The following ASPH variants were observed in gnomAD, a reference collection of about 807,000 sequenced individuals.
ASPH encodes the protein aspartyl/asparaginyl beta-hydroxylase.
In ASPH, 100 loss-of-function variants were observed where a neutral mutation model predicts 118.4. The observed-to-expected ratio is 0.84, with a 90% CI of 0.72 to 1.00. ASPH has a LOEUF of 1.00. ASPH is among the 50% of genes least tolerant of loss of function. The probability of loss-of-function intolerance (pLI) is 0.00; values close to 1 mark genes in which losing one functional copy is unlikely to be tolerated. For missense variants in ASPH, 920 were observed against 919.5 expected, an observed-to-expected ratio of 1.00 and a Z score of -0.01; for synonymous variants, 315 against 325.6, an observed-to-expected ratio of 0.97 and a Z score of 0.35.
chr8:61,714,568 G>T lies in ASPH; in HGVS notation c.-197C>A. On this transcript the variant is annotated 5_prime_UTR_variant, in exon 1 of 25. Transcript: ENST00000379454. The stretch of plus-strand genomic sequence containing the variant: ...CCCGCCTGCCGGCTGCGCGCGCCCG[G>T]CCTCGCGTGTACGAACCTGTGACTC... The T allele has an allele frequency of 8.5e-6, 7 of 819,922 alleles. No individual in the cohort carries two copies. Among genetic ancestry groups the T allele is most frequent in the Non-Finnish European group, 1.2e-5 (7 of 601,716 alleles). 50.8% of individuals were successfully genotyped at this position (819,922 alleles called of 1,614,324 possible).
In ASPH at chr8:61,684,125, G is replaced by C; in HGVS notation, c.167C>G (p.Thr56Arg). The change falls in exon 2 of 25, where the codon ACG becomes AGG. Residue 56 changes from threonine (T) to arginine (R), a missense_variant. By Grantham distance (71) the Thr-to-Arg change is moderately conservative. Transcript: ENST00000379454. Reference protein sequence around the residue: ...KGGLSGTSFFTWFMVIALLGV... With the variant: ...KGGLSGTSFFRWFMVIALLGV... Reference sequence around the variant, plus strand: ...CAGCAATGCAATCACCATAAACCACGTGAAGAATGAAGTTCCTGAGAGTCC... The same window carrying C: ...CAGCAATGCAATCACCATAAACCACCTGAAGAATGAAGTTCCTGAGAGTCC... 1 of 1,613,628 alleles carries C rather than the reference G, an allele frequency of 6.2e-7. No individual in the cohort carries two copies. The highest frequency in any genetic ancestry group is 8.5e-7 in the Non-Finnish European group (1 of 1,179,708).
chr8:61,697,997 C>T (rs1413078279), intron 1 of ASPH, among the ~76,000 whole-genome samples: 1 of 152,118 alleles, frequency 6.6e-6, no homozygotes, highest in Non-Finnish European at 1.5e-5. Context: ...CAGAGTCTTG[C>T]TTTGTTGCCC....
At chr8:61,565,621 A>T (rs1831417578) in intron 17 of ASPH, among the ~76,000 whole-genome samples, 1 of 103,234 alleles carries the variant, frequency 9.7e-6, no homozygotes, top group African/African-American at 3.6e-5. Flanking sequence ...TCTAGCTAAG[A>T]TCATTGATGA....
At position 61,634,730 on chromosome 8, in the gene ASPH, T is replaced by A. The variant is rs1857013362; in HGVS notation, c.890-1003A>T. Among the ~76,000 whole-genome samples, 3 of 152,210 alleles carry A rather than the reference T, an allele frequency of 2.0e-5. No individual in the cohort carries two copies. The South Asian group carries it at 6.2e-4, about 32-fold the overall frequency. Reference sequence around the variant, plus strand: ...TGTTCTTAATTATTTGGAGACATATTAACACTTTATCAACTTTGCCAATAT... The same window carrying A: ...TGTTCTTAATTATTTGGAGACATATAAACACTTTATCAACTTTGCCAATAT... On this transcript the variant is annotated intron_variant, in intron 12 of 24. Coordinates refer to ENST00000379454, the MANE Select transcript of ASPH (RefSeq NM_004318.4).
chr8:61,625,691 T>G (rs922166843), intron 13 of ASPH: 1 of 985,060 alleles, frequency 1.0e-6, no homozygotes, highest in Admixed American at 6.1e-5. Context: ...TTCAAAAGTG[T>G]TAATCTGAAC....
intron 13 of ASPH, among the ~76,000 whole-genome samples, chr8:61,619,833 T>C (rs1588174435): frequency 6.6e-6 from 1 of 152,174 alleles, no homozygotes. Flanking sequence ...TAGGAACTTA[T>C]CTGTTCTTTG....
At chr8:61,525,361 C>T (rs1814896860) in intron 22 of ASPH, among the ~76,000 whole-genome samples, 1 of 145,434 alleles carries the variant, frequency 6.9e-6, no homozygotes, top group Non-Finnish European at 1.5e-5. Flanking sequence ...CACACGCACA[C>T]ACACACACAT....
At position 61,689,739 on chromosome 8, in the gene ASPH, A is replaced by C; in HGVS notation, c.104-5551T>G. On this transcript the variant is annotated intron_variant, in intron 1 of 24. Transcript: ENST00000379454. ...TAAATGCTAAAGTAAAACAAAACAAAAAAAAAAACTCAAAAGTACTGCTGG... is the reference window on the plus strand; with the variant it reads ...TAAATGCTAAAGTAAAACAAAACAACAAAAAAAACTCAAAAGTACTGCTGG... 4 of 1,546,876 alleles carry C rather than the reference A, an allele frequency of 2.6e-6. No homozygotes were observed. The South Asian group carries it at 4.9e-5, about 19-fold the overall frequency.
chr8:61,578,472 C>A, intron 15 of ASPH: 1 of 1,596,832 alleles, frequency 6.3e-7, no homozygotes, highest in Non-Finnish European at 8.6e-7. Context: ...CCCCAACATC[C>A]AGGCTGTGTG....
chr8:61,660,384 C>T (rs140277197), intron 3 of ASPH: 1 of 152,304 alleles, frequency 6.6e-6, no homozygotes, highest in East Asian at 1.9e-4. Flanking sequence ...CTGGTAAAAA[C>T]ACACTAACTT....
chr8:61,550,126 T>C (rs1350896127), intron 20 of ASPH, among the ~76,000 whole-genome samples: 2 of 152,150 alleles, frequency 1.3e-5, no homozygotes, highest in African/African-American at 2.4e-5. Context: ...TTTAATAATA[T>C]GTGACACAGG....
chr8:61,567,409 T>A lies in ASPH; in HGVS notation c.1150-91A>T. 5 of 1,368,396 alleles carry A rather than the reference T, an allele frequency of 3.7e-6. No homozygotes were observed. The South Asian group carries it at 6.4e-5, about 18-fold the overall frequency. The allele number at this position is 1,368,396 out of a possible 1,614,324, so 84.8% of individuals were successfully genotyped here. On this transcript the variant is annotated intron_variant, in intron 16 of 24. Coordinates refer to ENST00000379454, the MANE Select transcript of ASPH (RefSeq NM_004318.4). ...TTCATAAAAAGTTAACTTTTGGACA[T>A]GCTTTAAAAGAAATGTAAGACACGT...
rs1334924913 is a variant in ASPH at position 61,562,763 on chromosome 8, G to C, written c.1418C>G (p.Ala473Gly). 1 of 1,607,320 alleles carries C rather than the reference G, an allele frequency of 6.2e-7. No individual in the cohort carries two copies. The highest frequency in any genetic ancestry group is 1.7e-5 in the Admixed American group (1 of 58,438). ...GCTTACCTCTTCATAAACTTTCTTTGCATTGTCATTATCTCCTATCAAGAG... is the reference window on the plus strand; with the variant it reads ...GCTTACCTCTTCATAAACTTTCTTTCCATTGTCATTATCTCCTATCAAGAG... ...GYLLIGDNDN[A>G]KKVYEEVLSV... is the part of the protein sequence containing the mutation. The change falls in exon 18 of 25, where the codon GCA (alanine) becomes GGA (glycine). Residue 473 changes from alanine (A) to glycine (G), a missense_variant. Coordinates refer to ENST00000379454, the MANE Select transcript of ASPH (RefSeq NM_004318.4).
In ASPH at chr8:61,682,394, A is replaced by G. The variant is rs1484599239; in HGVS notation, c.254-1358T>C. On this transcript the variant is annotated intron_variant, in intron 2 of 24. Coordinates refer to ENST00000379454, the MANE Select transcript of ASPH (RefSeq NM_004318.4). Reference sequence around the variant, plus strand: ...ATTAGTAGAAAAAGGATGAGCCATTAGAGAGTAACACACGTAGACTTGAAA... The same window carrying G: ...ATTAGTAGAAAAAGGATGAGCCATTGGAGAGTAACACACGTAGACTTGAAA... 1.9e-6 allele frequency: 3 copies of G among 1,566,042 alleles called. No individual in the cohort carries two copies. In the East Asian group the frequency reaches 6.7e-5, roughly 35 times the overall value.
At chr8:61,682,977 TAAAC>T in intron 2 of ASPH, among the ~76,000 whole-genome samples, 2 of 152,230 alleles carry the variant, frequency 1.3e-5, no homozygotes, top group Non-Finnish European at 2.9e-5. Context: ...CCATCACTGA[TAAAC>T]AGATAACCAA....
chr8:61,691,663 T>TA (rs1311412616), intron 1 of ASPH, among the ~76,000 whole-genome samples: 1 of 152,322 alleles, frequency 6.6e-6, no homozygotes, highest in East Asian at 1.9e-4. Flanking sequence ...CTTTCATACT[T>TA]AGACACCTGG....
chr8:61,528,352 A>G (rs1368260324), intron 21 of ASPH, among the ~76,000 whole-genome samples: 6 of 152,240 alleles, frequency 3.9e-5, no homozygotes, highest in Non-Finnish European at 8.8e-5. Flanking sequence ...TCCCAAATGC[A>G]CCTCAATTGC....
chr8:61,702,536 T>C (rs1222578978), intron 1 of ASPH, among the ~76,000 whole-genome samples: 1 of 152,126 alleles, frequency 6.6e-6, no homozygotes, highest in African/African-American at 2.4e-5. Context: ...TCCACCGGCC[T>C]TGGCCTCCCA....
chr8:61,706,848 G>C (rs1836825520), intron 1 of ASPH, among the ~76,000 whole-genome samples: 2 of 152,182 alleles, frequency 1.3e-5, no homozygotes, highest in Admixed American at 1.3e-4. Context: ...TACACAAGAG[G>C]TGATGCTGCA....
Sources: gnomAD v4.1 joint callset for allele counts (sites outside exome capture counted in the v4.1 genomes callset) on GRCh38, gnomAD v4.1.1 for gene constraint, MANE v1.5 for transcripts, NCBI Gene and HGNC (gene_info 2026-07-23, HGNC 2026-07-21) for gene names.